The following ATF7 variants were observed in gnomAD, a reference collection of about 807,000 sequenced individuals.
ATF7 encodes activating transcription factor 7.
ATF7 carries 10 observed loss-of-function variants against 50.4 expected under a neutral mutation model. The ratio of observed to expected loss-of-function variants is 0.20; its 90% CI spans 0.12 to 0.34. ATF7 has a LOEUF of 0.34. ATF7 is among the 10% of genes least tolerant of loss of function. The pLI is 1.00. For missense variants in ATF7, 465 were observed against 613.9 expected (o/e 0.76, Z 2.56); for synonymous variants, 201 against 226.4 (o/e 0.89, Z 1.01).
intron 2 of ATF7, among the ~76,000 whole-genome samples, chr12:53,553,142 C>A (rs1940490019): frequency 6.6e-6 from 1 of 152,156 alleles, no homozygotes; most frequent in Non-Finnish European, 1.5e-5. Flanking sequence ...AACTTCTTGG[C>A]CCCTACAGTG....
At chr12:53,561,127 A>G (rs926304539) in intron 2 of ATF7, among the ~76,000 whole-genome samples, 1 of 151,738 alleles carries the variant, frequency 6.6e-6, no homozygotes, top group Admixed American at 6.6e-5. Flanking sequence ...TTTACTTTAG[A>G]GATGGGGTGT....
chr12:53,583,177 G>C (rs1036942852), intron 2 of ATF7, among the ~76,000 whole-genome samples: 3 of 152,138 alleles, frequency 2.0e-5, no homozygotes, highest in Admixed American at 2.0e-4. Flanking sequence ...ACACAGCAGG[G>C]GGTGAGCAGC....
intron 2 of ATF7, among the ~76,000 whole-genome samples, chr12:53,563,654 T>C (rs1053157552): frequency 6.6e-6 from 1 of 152,230 alleles, no homozygotes; most frequent in African/African-American, 2.4e-5. Flanking sequence ...GTTAAAAACA[T>C]GTCTCACACT....
chr12:53,585,434 G>A (rs1225602896), intron 2 of ATF7, among the ~76,000 whole-genome samples: 2 of 152,106 alleles, frequency 1.3e-5, no homozygotes, highest in Non-Finnish European at 2.9e-5. Context: ...GCTAGTGTGT[G>A]TGAGGACAGG....
At position 53,516,971 on chromosome 12, in the gene ATF7, C is replaced by T. The variant is rs1937742445; in HGVS notation, c.*166G>A. 2.6e-6 allele frequency: 2 copies of T among 774,514 alleles called. No individual in the cohort carries two copies. The highest frequency in any genetic ancestry group is 4.8e-5 in the Admixed American group (2 of 41,844). 48.0% of individuals were successfully genotyped at this position (774,514 alleles called of 1,614,324 possible). On this transcript the variant is annotated 3_prime_UTR_variant, in exon 12 of 12. Coordinates refer to ENST00000420353, the MANE Select transcript of ATF7 (RefSeq NM_006856.3). The stretch of plus-strand genomic sequence containing the variant: ...GCCCCCAGCACAGGTGTCAAACGTA[C>T]ATGACCACATGGCTAAAAAGCCCCA...
At chr12:53,605,389 C>CAAAA (rs11433998) in intron 1 of ATF7, among the ~76,000 whole-genome samples, 3 of 101,898 alleles carry the variant, frequency 2.9e-5, no homozygotes, top group Non-Finnish European at 5.7e-5. Flanking sequence ...AATTCTGTCT[C>CAAAA]AAAAAAAAAA....
At position 53,574,209 on chromosome 12, in the gene ATF7, A is replaced by G. The variant is rs573642144; in HGVS notation, c.49-21572T>C. ...CAACATGTAAGAACAGATGGATAAT[A>G]TAAGAAGAGAGATGAAAATTCTAAG... On this transcript the variant is annotated intron_variant, in intron 2 of 11. Transcript: ENST00000420353. 3.3e-5 allele frequency among the ~76,000 whole-genome samples: 5 copies of G among 152,334 alleles called. No individual in the cohort carries two copies. In the East Asian group the frequency reaches 7.7e-4, roughly 23 times the overall value.
chr12:53,533,291 C>T, intron 6 of ATF7, 32 bp from the exon 7 acceptor site: 6 of 1,527,264 alleles, frequency 3.9e-6, no homozygotes, highest in Non-Finnish European at 5.4e-6. Flanking sequence ...ATGCTCATAA[C>T]ACAGACCTTT....
intron 2 of ATF7, among the ~76,000 whole-genome samples, chr12:53,557,925 A>G (rs1364106170): frequency 6.6e-6 from 1 of 152,248 alleles, no homozygotes; most frequent in African/African-American, 2.4e-5. Flanking sequence ...ATACCAGGTT[A>G]AATAAAATAT....
At chr12:53,556,223 C>T (rs1433757063) in intron 2 of ATF7, among the ~76,000 whole-genome samples, 6 of 152,142 alleles carry the variant, frequency 3.9e-5, no homozygotes, top group Admixed American at 3.9e-4. Flanking sequence ...GCCTTTTTAT[C>T]ATATATTTTT....
intron 9 of ATF7, among the ~76,000 whole-genome samples, chr12:53,525,896 C>T (rs1258165291): frequency 6.6e-6 from 1 of 152,168 alleles, no homozygotes; most frequent in Non-Finnish European, 1.5e-5. Context: ...GGTCCACTTA[C>T]ATGCAGATTT....
rs369801103 is a variant in ATF7 at position 53,526,680 on chromosome 12, G to A, written c.928-1919C>T. On this transcript the variant is annotated intron_variant, in intron 9 of 11. Coordinates refer to ENST00000420353, the MANE Select transcript of ATF7 (RefSeq NM_006856.3). ...AGCCTGGCCAACATGGCAAAACCCC[G>A]TCTCTACTAAAAATACAAAAATTAG... is the stretch of plus-strand genomic sequence containing the variant. Among the ~76,000 whole-genome samples, 46 of 151,378 alleles carry A rather than the reference G, an allele frequency of 3.0e-4. No individual in the cohort carries two copies. The East Asian group carries it at 5.3e-3, about 17-fold the overall frequency.
intron 2 of ATF7, among the ~76,000 whole-genome samples, chr12:53,598,775 T>G (rs1350731088): frequency 1.3e-5 from 2 of 152,206 alleles, no homozygotes; most frequent in African/African-American, 4.8e-5. Flanking sequence ...TATTCCTTAT[T>G]TTTATCTTCT....
chr12:53,569,697 T>G (rs976919113), intron 2 of ATF7, among the ~76,000 whole-genome samples: 1 of 151,488 alleles, frequency 6.6e-6, no homozygotes, highest in Non-Finnish European at 1.5e-5. Flanking sequence ...TTTTTTGAGA[T>G]GGAGTCTCGC....
At chr12:53,510,567 T>G (rs1312441210), downstream of ATF7, among the ~76,000 whole-genome samples, 1 of 152,032 alleles carries the variant, frequency 6.6e-6, no homozygotes, top group Non-Finnish European at 1.5e-5. Flanking sequence ...TAAACCTCAA[T>G]TTATCATCAA....
At chr12:53,587,843 A>ATATATATATATATATATATTTTTTTT in intron 2 of ATF7, among the ~76,000 whole-genome samples, 1 of 61,566 alleles carries the variant, frequency 1.6e-5, no homozygotes, top group Non-Finnish European at 3.4e-5. Flanking sequence ...ATATATATAT[A>ATATATATATATATATATATTTTTTTT]TTTTTTTTTT....
At chr12:53,520,266 C>T (rs1408108442) in intron 11 of ATF7, among the ~76,000 whole-genome samples, 1 of 152,040 alleles carries the variant, frequency 6.6e-6, no homozygotes, top group Non-Finnish European at 1.5e-5. Context: ...GGAACTTCAT[C>T]TGGTTTCAAT....
chr12:53,613,918 C>T (rs960196611), intron 1 of ATF7, among the ~76,000 whole-genome samples: 5 of 151,336 alleles, frequency 3.3e-5, no homozygotes, highest in Non-Finnish European at 5.9e-5. Context: ...AGTAGAGGGC[C>T]CTAGATTGAT....
At chr12:53,508,151 T>G (rs1235037180), downstream of ATF7, 1 of 151,688 alleles carries the variant, frequency 6.6e-6, no homozygotes, top group East Asian at 2.0e-4. Context: ...CTCGGCTCAC[T>G]GCAACCTCTG....
Sources: gnomAD v4.1 joint callset for allele counts (sites outside exome capture counted in the v4.1 genomes callset) on GRCh38, gnomAD v4.1.1 for gene constraint, MANE v1.5 for transcripts, NCBI Gene and HGNC (gene_info 2026-07-23, HGNC 2026-07-21) for gene names.